GRIN2A: variants seen among roughly 807,000 people sequenced by gnomAD.
GRIN2A encodes glutamate receptor ionotropic, NMDA 2A.
A neutral mutation model predicts 113.4 loss-of-function variants in GRIN2A; 22 were observed. The ratio of observed to expected loss-of-function variants is 0.19; its 90% CI spans 0.14 to 0.28. The LOEUF (loss-of-function observed/expected upper bound fraction) is 0.28, where lower values mean the gene tolerates loss of function less well. GRIN2A is among the 10% of genes least tolerant of loss of function. GRIN2A has a pLI of 1.00. For synonymous variants in GRIN2A, 827 were observed against 738.4 expected (o/e 1.12, Z -1.94); for missense variants, 1,502 against 1,887.0 (o/e 0.80, Z 3.78).
chr16:9,861,800 C>A (rs2043074014), intron 4 of GRIN2A, among the ~76,000 whole-genome samples: 1 of 152,220 alleles, frequency 6.6e-6, no homozygotes, highest in Non-Finnish European at 1.5e-5. Flanking sequence ...CAAACCTGCT[C>A]TGTCTTCACT....
intron 2 of GRIN2A, among the ~76,000 whole-genome samples, chr16:10,007,675 G>A (rs1252031920): frequency 6.6e-6 from 1 of 151,954 alleles, no homozygotes; most frequent in Non-Finnish European, 1.5e-5. Context: ...TGTGCTGTCG[G>A]GGTCCACGTA....
At chr16:10,024,460 C>T (rs9932353) in intron 2 of GRIN2A, among the ~76,000 whole-genome samples, 50,493 of 152,208 alleles carry the variant, frequency 0.33, 9,048 homozygotes, top group Non-Finnish European at 0.39. Context: ...CCTCATGATC[C>T]ACCCGTCTTG....
chr16:10,011,440 G>A (rs1311550086), intron 2 of GRIN2A, among the ~76,000 whole-genome samples: 2 of 152,050 alleles, frequency 1.3e-5, no homozygotes, highest in South Asian at 4.2e-4. Context: ...CTTTTGCCTT[G>A]GTGGGTCCAT....
In GRIN2A at chr16:9,792,391, T is replaced by A. The variant is rs145046113; in HGVS notation, c.2356+5886A>T. Among the ~76,000 whole-genome samples the A allele has an allele frequency of 9.0e-3, 1,373 of 152,248 alleles. 8 individuals are homozygous for A. The highest frequency in any genetic ancestry group is 0.014 in the Middle Eastern group (4 of 294). Reference sequence around the variant, plus strand: ...GCATGTACCACCATGCCCAGTAATTTAAAAAATTTTTTTGTAGAGATGGGT... The same window carrying A: ...GCATGTACCACCATGCCCAGTAATTAAAAAAATTTTTTTGTAGAGATGGGT... On this transcript the variant is annotated intron_variant, in intron 11 of 12. Coordinates refer to ENST00000330684, the MANE Select transcript of GRIN2A (RefSeq NM_001134407.3).
chr16:10,086,763 G>A (rs948020695), intron 2 of GRIN2A, among the ~76,000 whole-genome samples: 20 of 152,134 alleles, frequency 1.3e-4, no homozygotes, highest in South Asian at 6.2e-4. Flanking sequence ...CACAGACCTC[G>A]GGGAAGAGCA....
At chr16:9,872,024 C>T (rs1278393199) in intron 4 of GRIN2A, among the ~76,000 whole-genome samples, 2 of 151,992 alleles carry the variant, frequency 1.3e-5, no homozygotes, top group Non-Finnish European at 2.9e-5. Context: ...AAAATAGGGG[C>T]AATAATAGTG....
intron 7 of GRIN2A, 38 bp from the exon 8 acceptor site, chr16:9,834,268 G>C (rs2042548789): frequency 1.2e-6 from 2 of 1,610,702 alleles, no homozygotes; most frequent in African/African-American, 2.7e-5. Flanking sequence ...AACGTGGTTA[G>C]TTATCTCTTC....
chr16:9,866,779 C>T (rs560159944), intron 4 of GRIN2A, among the ~76,000 whole-genome samples: 1 of 152,308 alleles, frequency 6.6e-6, no homozygotes, highest in Admixed American at 6.5e-5. Context: ...CACTGACCAC[C>T]TCCAGTCCAC....
intron 2 of GRIN2A, among the ~76,000 whole-genome samples, chr16:9,967,063 C>T (rs75695733): frequency 8.5e-5 from 13 of 152,088 alleles, no homozygotes; most frequent in Admixed American, 3.3e-4. Flanking sequence ...GACTCATGTT[C>T]GACACTTCAG....
intron 7 of GRIN2A, among the ~76,000 whole-genome samples, chr16:9,835,221 C>T (rs1023295280): frequency 6.6e-6 from 1 of 152,098 alleles, no homozygotes; most frequent in African/African-American, 2.4e-5. Context: ...ATATTATCTT[C>T]ACATGATAAT....
At chr16:10,010,598 G>T (rs2046487344) in intron 2 of GRIN2A, among the ~76,000 whole-genome samples, 1 of 152,122 alleles carries the variant, frequency 6.6e-6, no homozygotes, top group African/African-American at 2.4e-5. Context: ...TACTTTATAG[G>T]TACTTCATAG....
intron 2 of GRIN2A, among the ~76,000 whole-genome samples, chr16:9,941,210 G>A (rs2044867771): frequency 6.6e-6 from 1 of 152,200 alleles, no homozygotes; most frequent in Non-Finnish European, 1.5e-5. Flanking sequence ...GATTGGTACT[G>A]GTGGAGAGGT....
chr16:10,174,405 T>C (rs761401741), intron 2 of GRIN2A, among the ~76,000 whole-genome samples: 3 of 152,168 alleles, frequency 2.0e-5, no homozygotes, highest in Non-Finnish European at 2.9e-5. Context: ...TAAGAAATCA[T>C]AAAGTTGCCT....
chr16:10,116,681 T>C (rs1355718501), intron 2 of GRIN2A, among the ~76,000 whole-genome samples: 1 of 152,148 alleles, frequency 6.6e-6, no homozygotes, highest in East Asian at 1.9e-4. Flanking sequence ...GGGAAATTCA[T>C]GGGAAGGTTA....
At chr16:10,019,049 G>C (rs1270269425) in intron 2 of GRIN2A, among the ~76,000 whole-genome samples, 1 of 148,594 alleles carries the variant, frequency 6.7e-6, no homozygotes, top group Non-Finnish European at 1.5e-5. Flanking sequence ...GTCCAAGGAA[G>C]TGTTGATCTC....
intron 2 of GRIN2A, among the ~76,000 whole-genome samples, chr16:10,169,411 G>C (rs1299343505): frequency 1.3e-5 from 2 of 152,156 alleles, no homozygotes; most frequent in African/African-American, 4.8e-5. Flanking sequence ...GAGGAATCCT[G>C]GATCTCTATC....
chr16:9,843,056 G>C (rs1196856004), intron 5 of GRIN2A, among the ~76,000 whole-genome samples: 4 of 148,750 alleles, frequency 2.7e-5, no homozygotes, highest in Admixed American at 1.3e-4. Context: ...AAGAGAGAGA[G>C]AGAAAGAGAG....
At chr16:9,991,693 A>G (rs1470738099) in intron 2 of GRIN2A, among the ~76,000 whole-genome samples, 13 of 152,204 alleles carry the variant, frequency 8.5e-5, no homozygotes, top group Non-Finnish European at 4.4e-5. Context: ...GCCTCAACAC[A>G]TATACACCAT....
intron 2 of GRIN2A, among the ~76,000 whole-genome samples, chr16:10,012,529 G>C (rs1567233614): frequency 6.6e-6 from 1 of 152,176 alleles, no homozygotes; most frequent in South Asian, 2.1e-4. Context: ...CTAAAAGGGT[G>C]GCCATGTGGG....
Sources: gnomAD v4.1 joint callset for allele counts (sites outside exome capture counted in the v4.1 genomes callset) on GRCh38, gnomAD v4.1.1 for gene constraint, MANE v1.5 for transcripts, NCBI Gene and HGNC (gene_info 2026-07-23, HGNC 2026-07-21) for gene names.